LRRC51: variants seen among roughly 807,000 people sequenced by gnomAD.
LRRC51 encodes the protein leucine rich repeat containing 51, also known as leucine-rich repeat-containing protein 51.
Under a neutral mutation model 17.8 loss-of-function variants are expected in LRRC51, and 8 were observed. The observed-to-expected ratio is 0.45, with a 90% confidence interval of 0.26 to 0.81. LRRC51 has a LOEUF of 0.81. Among genes scored for constraint, LRRC51 ranks in the 30% least tolerant of loss-of-function variants. The pLI is 0.17. For missense variants in LRRC51, 233 were observed against 239.3 expected (o/e 0.97, Z 0.17); for synonymous variants, 92 against 96.0 (o/e 0.96, Z 0.24).
intron 5 of LRRC51, 49 bp downstream of exon 5, chr11:72,095,145 G>C (rs1315862333): frequency 1.2e-6 from 2 of 1,603,042 alleles, no homozygotes. Flanking sequence ...TCCCCTAAAG[G>C]AAAGGAGGAG....
intron 4 of LRRC51, 95 bp from the exon 5 acceptor site, chr11:72,094,853 C>T: frequency 6.2e-7 from 1 of 1,613,440 alleles, no homozygotes; most frequent in Non-Finnish European, 8.5e-7. Flanking sequence ...CAGGTTGTTC[C>T]CCACATTCTT....
At chr11:72,085,867 G>GT (rs1944503207) in intron 1 of LRRC51, 1 of 152,468 alleles carries the variant, frequency 6.6e-6, no homozygotes, top group African/African-American at 2.4e-5. Flanking sequence ...GCTTCAGCTG[G>GT]TATCTCTGGC....
At chr11:72,093,935 G>A (rs563232411) in intron 4 of LRRC51, among the ~76,000 whole-genome samples, 18 of 152,218 alleles carry the variant, frequency 1.2e-4, no homozygotes, top group African/African-American at 3.4e-4. Context: ...CCTCCCTGTC[G>A]GAAAAATGGG....
At chr11:72,084,035 T>G (rs940026109) in intron 1 of LRRC51, among the ~76,000 whole-genome samples, 1 of 152,226 alleles carries the variant, frequency 6.6e-6, no homozygotes, top group East Asian at 1.9e-4. Context: ...CTCGCTCTGT[T>G]GCCCAGACTG....
chr11:72,094,617 G>C (rs1945064420), intron 4 of LRRC51: 1 of 676,458 alleles, frequency 1.5e-6, no homozygotes, highest in Admixed American at 2.2e-5. Context: ...CTGTCTTCCT[G>C]TTGCTTGCTG....
chr11:72,088,300 G>A lies in LRRC51; in HGVS notation c.-136G>A. ...ACATTGTGTTCATCCCTGTCAGGGA[G>A]TATTTCCATTTTAACCGGAAACAAT... On this transcript the variant is annotated 5_prime_UTR_variant, in exon 2 of 6. Coordinates refer to ENST00000289488, the MANE Select transcript of LRRC51 (RefSeq NM_145309.6). 1 of 700,142 alleles carries A rather than the reference G, an allele frequency of 1.4e-6. No individual in the cohort carries two copies. Among genetic ancestry groups the A allele is most frequent in the Non-Finnish European group, 2.6e-6 (1 of 383,622 alleles). The allele number at this position is 700,142 out of a possible 1,614,324, so 43.4% of individuals were successfully genotyped here.
At chr11:72,089,629 A>C in intron 3 of LRRC51, 2 of 1,175,318 alleles carry the variant, frequency 1.7e-6, no homozygotes, top group Non-Finnish European at 1.1e-6. Context: ...GTCTGCAGAC[A>C]CAAGCCTAAT....
intron 1 of LRRC51, among the ~76,000 whole-genome samples, chr11:72,082,380 A>T (rs1251372164): frequency 6.6e-6 from 1 of 151,806 alleles, no homozygotes; most frequent in East Asian, 1.9e-4. Flanking sequence ...TGCACTCTAT[A>T]TTCTCTTCTT....
At chr11:72,092,321 TTTC>T (rs1944906746) in intron 3 of LRRC51, among the ~76,000 whole-genome samples, 1 of 152,212 alleles carries the variant, frequency 6.6e-6, no homozygotes, top group African/African-American at 2.4e-5. Context: ...CCCAATGCTA[TTTC>T]TTCTTCTGTA....
At chr11:72,084,975 C>T (rs897595401) in intron 1 of LRRC51, among the ~76,000 whole-genome samples, 4 of 149,882 alleles carry the variant, frequency 2.7e-5, no homozygotes, top group Non-Finnish European at 5.9e-5. Context: ...CTTTGAGTTT[C>T]TATTTGATGT....
intron 4 of LRRC51, among the ~76,000 whole-genome samples, chr11:72,093,926 C>G (rs1019731325): frequency 5.9e-5 from 9 of 152,188 alleles, no homozygotes; most frequent in South Asian, 2.1e-4. Flanking sequence ...AAACTGCAGC[C>G]TCCCTGTCGG....
chr11:72,085,200 G>A (rs1322471735), intron 1 of LRRC51, among the ~76,000 whole-genome samples: 2 of 152,182 alleles, frequency 1.3e-5, no homozygotes, highest in African/African-American at 4.8e-5. Flanking sequence ...AATAGCAGAT[G>A]GGAAAGACTG....
Position 72,089,335 on chromosome 11 carries a change from CTTTT to C in LRRC51, c.82+172_82+175del, listed in dbSNP as rs1944723229. On this transcript the variant is annotated intron_variant, in intron 3 of 5. Coordinates refer to ENST00000289488, the MANE Select transcript of LRRC51 (RefSeq NM_145309.6). ...GGGAGAGTGAGAGGTTTTTTTCTGT[CTTTT>C]TGTTTGTTTTGATTTTGCCCCGATA... 2.0e-6 allele frequency: 3 copies of C among 1,500,984 alleles called. No individual in the cohort carries two copies. The African/African-American group carries it at 4.2e-5, about 21-fold the overall frequency. 93.0% of individuals were successfully genotyped at this position (1,500,984 alleles called of 1,614,324 possible). A position where few individuals can be genotyped will look rare whatever the true frequency, so the allele number is the denominator to read the frequency against.
intron 5 of LRRC51, 57 bp downstream of exon 5, chr11:72,095,153 G>A: frequency 6.3e-7 from 1 of 1,599,012 alleles, no homozygotes; most frequent in Non-Finnish European, 8.5e-7. Context: ...AGGAAAGGAG[G>A]AGGAGAAACA....
At chr11:72,094,407 G>A (rs1945048066) in intron 4 of LRRC51, 1 of 450,164 alleles carries the variant, frequency 2.2e-6, no homozygotes, top group Non-Finnish European at 4.0e-6. Context: ...TTCTCCTGTG[G>A]AAGAGGTAGT....
chr11:72,095,411 C>T lies in LRRC51; in HGVS notation c.470C>T (p.Thr157Ile), dbSNP rs569939262. Residue 157 changes from threonine to isoleucine, a missense_variant, in exon 6 of 6, where the codon ACC becomes ATC. Thr to Ile is a moderately conservative substitution (Grantham distance 89, BLOSUM62 -1). Coordinates refer to ENST00000289488, the MANE Select transcript of LRRC51 (RefSeq NM_145309.6). ...GTGCTGTGCACCCTGTCCCGTATCA[C>T]CACGTTCGACTTCAGTGGGGTCACC... ...QYVLCTLSRI[T>I]TFDFSGVTKA... 4 of 1,614,152 alleles carry T rather than the reference C, an allele frequency of 2.5e-6. No homozygotes were observed. Among genetic ancestry groups the T allele is most frequent in the Non-Finnish European group, 3.4e-6 (4 of 1,180,032 alleles).
intron 3 of LRRC51, among the ~76,000 whole-genome samples, chr11:72,093,138 G>T (rs1565319014): frequency 1.3e-5 from 2 of 152,208 alleles, no homozygotes. Flanking sequence ...TTTACCAGTA[G>T]TTAATTCAGG....
intron 3 of LRRC51, 21 bp from the exon 4 acceptor site, chr11:72,093,475 A>G (rs1944981985): frequency 6.2e-7 from 1 of 1,600,680 alleles, no homozygotes; most frequent in South Asian, 1.1e-5. Flanking sequence ...ATGATACCCA[A>G]GTCTCACTTT....
chr11:72,082,529 A>G (rs1035664499), intron 1 of LRRC51, among the ~76,000 whole-genome samples: 1 of 152,124 alleles, frequency 6.6e-6, no homozygotes, highest in Non-Finnish European at 1.5e-5. Context: ...GGATACCTCA[A>G]AGGCAACCCA....
Sources: gnomAD v4.1 joint callset for allele counts (sites outside exome capture counted in the v4.1 genomes callset) on GRCh38, gnomAD v4.1.1 for gene constraint, MANE v1.5 for transcripts, NCBI Gene and HGNC (gene_info 2026-07-23, HGNC 2026-07-21) for gene names.